The following STXBP6 variants were observed in gnomAD, a reference collection of about 807,000 sequenced individuals.
STXBP6 encodes syntaxin binding protein 6, also known as syntaxin-binding protein 6.
A neutral mutation model predicts 26.9 loss-of-function variants in STXBP6; 21 were observed. The observed-to-expected ratio is 0.78, with a 90% confidence interval of 0.55 to 1.12. The LOEUF (loss-of-function observed/expected upper bound fraction) is 1.12. STXBP6 is among the 50% of genes most tolerant of loss of function. The pLI is 0.00. For synonymous variants in STXBP6, 97 were observed against 92.6 expected (o/e 1.05, Z -0.27); for missense variants, 232 against 257.9 (o/e 0.90, Z 0.69).
intron 2 of STXBP6, among the ~76,000 whole-genome samples, chr14:24,911,389 G>C (rs1411354331): frequency 1.3e-5 from 2 of 150,442 alleles, no homozygotes; most frequent in Admixed American, 6.7e-5. Context: ...GAGAGAGAGA[G>C]AGAGAAAGGA....
At chr14:24,838,576 C>T (rs1312614157) in intron 4 of STXBP6, among the ~76,000 whole-genome samples, 7 of 151,886 alleles carry the variant, frequency 4.6e-5, no homozygotes, top group East Asian at 1.9e-4. Flanking sequence ...CCCAGCTATT[C>T]GGGAGGCTGA....
chr14:25,049,949 G>C lies in STXBP6; in HGVS notation c.-104C>G, dbSNP rs983134046. Reference sequence around the variant, plus strand: ...TCCCAGAGCACGAGGCTCCTCCCCGGGGGGCTGCCCCGCGCGGGGCTCCGG... The same window carrying C: ...TCCCAGAGCACGAGGCTCCTCCCCGCGGGGCTGCCCCGCGCGGGGCTCCGG... On this transcript the variant is annotated 5_prime_UTR_variant, in exon 1 of 6. Transcript: ENST00000323944. The surrounding 1 kb of genome is among the most constrained non-coding windows in gnomAD (Gnocchi z 5.6). The C allele has an allele frequency of 1.1e-6, 1 of 909,394 alleles. No homozygotes were observed. Among genetic ancestry groups the C allele is most frequent in the Non-Finnish European group, 1.3e-6 (1 of 761,510 alleles). The allele number at this position is 909,394 out of a possible 1,614,324, so 56.3% of individuals were successfully genotyped here.
chr14:24,982,616 T>C (rs759835544), intron 1 of STXBP6, among the ~76,000 whole-genome samples: 25 of 152,246 alleles, frequency 1.6e-4, no homozygotes, highest in Non-Finnish European at 2.8e-4. Context: ...TTCTTTTCCC[T>C]GTACATACTA....
chr14:25,041,467 C>T (rs1276682056), intron 1 of STXBP6, among the ~76,000 whole-genome samples: 1 of 152,192 alleles, frequency 6.6e-6, no homozygotes, highest in Non-Finnish European at 1.5e-5. Context: ...CCTTATTGCT[C>T]TTTAATGATA....
intron 2 of STXBP6, among the ~76,000 whole-genome samples, chr14:24,869,395 T>C (rs1311887367): frequency 6.6e-6 from 1 of 152,176 alleles, no homozygotes; most frequent in Non-Finnish European, 1.5e-5. Flanking sequence ...GTTATACACA[T>C]CATTAGTATT....
At chr14:24,887,056 T>C (rs1231254117) in intron 2 of STXBP6, among the ~76,000 whole-genome samples, 1 of 152,190 alleles carries the variant, frequency 6.6e-6, no homozygotes, top group Non-Finnish European at 1.5e-5. Context: ...ACTCAAAGCA[T>C]GAATGAGAAG....
chr14:25,011,197 T>C (rs1477614780), intron 1 of STXBP6, among the ~76,000 whole-genome samples: 1 of 152,172 alleles, frequency 6.6e-6, no homozygotes, highest in African/African-American at 2.4e-5. Flanking sequence ...ACCTTTGACA[T>C]AGTCTTTGTT....
At chr14:24,946,858 G>A (rs2073009723) in intron 2 of STXBP6, among the ~76,000 whole-genome samples, 1 of 152,154 alleles carries the variant, frequency 6.6e-6, no homozygotes, top group Admixed American at 6.5e-5. Flanking sequence ...GAAATTAAGA[G>A]GGTATGGGAT....
chr14:24,953,401 T>C (rs1025540574), intron 2 of STXBP6, among the ~76,000 whole-genome samples: 3 of 152,200 alleles, frequency 2.0e-5, no homozygotes, highest in Non-Finnish European at 4.4e-5. Flanking sequence ...TCCCTCAACA[T>C]CACTCTCTGT....
intron 2 of STXBP6, among the ~76,000 whole-genome samples, chr14:24,862,286 C>T (rs573048579): frequency 6.6e-6 from 1 of 152,156 alleles, no homozygotes; most frequent in Non-Finnish European, 1.5e-5. Context: ...GTGTGAGCCA[C>T]CATGCCCGAC....
At chr14:24,969,519 A>T (rs897441782) in intron 2 of STXBP6, among the ~76,000 whole-genome samples, 5 of 152,232 alleles carry the variant, frequency 3.3e-5, no homozygotes, top group Non-Finnish European at 7.3e-5. Flanking sequence ...TGTTGTGGGT[A>T]GGGCTTGCTT....
At chr14:24,840,823 T>C (rs2068761662) in intron 4 of STXBP6, among the ~76,000 whole-genome samples, 1 of 150,424 alleles carries the variant, frequency 6.6e-6, no homozygotes. Context: ...AAACTAGAAG[T>C]CTAACAAATG....
At chr14:24,977,256 GA>G (rs34739067) in intron 1 of STXBP6, among the ~76,000 whole-genome samples, 2,397 of 152,002 alleles carry the variant, frequency 0.016, 59 homozygotes, top group African/African-American at 0.055. Context: ...GTAGTTAAAA[GA>G]AAAAGAAAGC....
intron 2 of STXBP6, among the ~76,000 whole-genome samples, chr14:24,939,653 C>A (rs144658146): frequency 1.3e-5 from 2 of 152,148 alleles, no homozygotes; most frequent in Admixed American, 1.3e-4. Context: ...TCTAGACCAT[C>A]GCTGTCCAAT....
At chr14:25,008,338 T>C (rs1027317775) in intron 1 of STXBP6, among the ~76,000 whole-genome samples, 4 of 152,032 alleles carry the variant, frequency 2.6e-5, no homozygotes, top group Admixed American at 6.6e-5. Context: ...ACTCCAACTC[T>C]ACAAAAAATT....
intron 2 of STXBP6, among the ~76,000 whole-genome samples, chr14:24,929,437 A>G (rs2072300713): frequency 6.6e-6 from 1 of 152,228 alleles, no homozygotes; most frequent in African/African-American, 2.4e-5. Context: ...AGTCCAAACC[A>G]TTCCCTTTCT....
At chr14:25,011,364 G>C (rs750565271) in intron 1 of STXBP6, among the ~76,000 whole-genome samples, 2 of 152,150 alleles carry the variant, frequency 1.3e-5, no homozygotes, top group African/African-American at 2.4e-5. Context: ...AAATACTCAA[G>C]GATATTACAT....
In STXBP6 at chr14:25,049,135, C is replaced by T. The variant is rs1439851040; in HGVS notation, c.-33+743G>A. On this transcript the variant is annotated intron_variant, in intron 1 of 5. Coordinates refer to ENST00000323944, the MANE Select transcript of STXBP6 (RefSeq NM_001394410.1). The surrounding 1 kb of genome is among the most constrained non-coding windows in gnomAD (Gnocchi z 5.6). ...AGGTCCTGTCCTCTGTGAAGATGAA[C>T]GGGGTGGGGTGGTGAGGTGGCGGGG... 40 of 983,158 alleles carry T rather than the reference C, an allele frequency of 4.1e-5. No homozygotes were observed. Among genetic ancestry groups the T allele is most frequent in the Non-Finnish European group, 4.7e-5 (39 of 827,842 alleles). The allele number at this position is 983,158 out of a possible 1,614,324, so 60.9% of individuals were successfully genotyped here. A position where few individuals can be genotyped will look rare whatever the true frequency, so the allele number is the denominator to read the frequency against.
chr14:24,974,874 A>G, intron 1 of STXBP6, 24 bp from the exon 2 acceptor site: 1 of 1,487,584 alleles, frequency 6.7e-7, no homozygotes, highest in East Asian at 2.3e-5. Flanking sequence ...AAAAGAAAGG[A>G]AAGTTGGAAT....
Sources: allele counts gnomAD v4.1 joint callset (sites outside exome capture counted in the v4.1 genomes callset), GRCh38; gene constraint gnomAD v4.1.1; non-coding constraint Gnocchi (gnomAD v3.1); transcripts MANE v1.5; gene names NCBI Gene and HGNC (gene_info 2026-07-23, HGNC 2026-07-21).